RAB17: variants seen among roughly 807,000 people sequenced by gnomAD.
RAB17 encodes the protein ras-related protein Rab-17.
Under a neutral mutation model 19.3 loss-of-function variants are expected in RAB17, and 15 were observed. That is an observed-to-expected ratio of 0.78 (90% CI 0.52 to 1.20). The LOEUF (loss-of-function observed/expected upper bound fraction) is 1.20. RAB17 is among the 50% of genes most tolerant of loss of function. The pLI is 0.00. For missense variants in RAB17, 262 were observed against 269.3 expected (o/e 0.97, Z 0.19); for synonymous variants, 110 against 112.8 (o/e 0.97, Z 0.16).
intron 3 of RAB17, chr2:237,577,769 C>G (rs2081276888): frequency 3.8e-6 from 2 of 530,496 alleles, no homozygotes; most frequent in African/African-American, 1.9e-5. Flanking sequence ...AATGCAGCAC[C>G]AGGAACTACT....
intron 1 of RAB17, among the ~76,000 whole-genome samples, chr2:237,588,086 T>C (rs5020352): frequency 0.25 from 38,620 of 152,038 alleles, 6,302 homozygotes; most frequent in African/African-American, 0.47. Flanking sequence ...GGGCCAGCTA[T>C]GGTTTGCATG....
intron 4 of RAB17, 124 bp from the exon 5 acceptor site, chr2:237,575,604 C>T (rs553213262): frequency 8.5e-6 from 6 of 707,982 alleles, no homozygotes; most frequent in South Asian, 5.4e-5. Context: ...CTCCACGTTT[C>T]GTGTCCAAGT....
chr2:237,574,415 AT>A lies in RAB17; in HGVS notation c.*603del. 1 of 1,546,366 alleles carries A rather than the reference AT, an allele frequency of 6.5e-7. No individual in the cohort carries two copies. The highest frequency in any genetic ancestry group is 8.7e-7 in the Non-Finnish European group (1 of 1,144,276). ...GAAATGTCTCAGAATCTTCCTGCTC[AT>A]TGGACAGAAACTCAGCTTCACCACA... On this transcript the variant is annotated 3_prime_UTR_variant, in exon 6 of 6. Coordinates refer to ENST00000264601, the MANE Select transcript of RAB17 (RefSeq NM_022449.4).
intron 2 of RAB17, chr2:237,578,865 C>G (rs955274413): frequency 1.3e-5 from 2 of 151,610 alleles, no homozygotes; most frequent in Non-Finnish European, 2.9e-5. Context: ...CCCAGGAAGG[C>G]AGGGGCTTTG....
rs149378404 is a variant in RAB17, at chr2:237,589,871, C to T, written c.-4+596G>A. ...GCAAATCCCACATTAGTCTTTTTTG[C>T]GGGGAAGGGGCCATTCCAGGGAAGG... On this transcript the variant is annotated intron_variant, in intron 1 of 5. Transcript: ENST00000264601. 1.1e-4 allele frequency among the ~76,000 whole-genome samples: 16 copies of T among 152,094 alleles called. No individual in the cohort carries two copies. The East Asian group carries it at 2.7e-3, about 26-fold the overall frequency.
intron 1 of RAB17, among the ~76,000 whole-genome samples, chr2:237,587,843 AAAAG>A (rs770248246): frequency 0.078 from 10,900 of 140,554 alleles, 483 homozygotes; most frequent in Non-Finnish European, 0.1. Context: ...AAAAAAAAAA[AAAAG>A]AAAAGAAAAA....
chr2:237,587,117 G>A (rs1280287662), intron 1 of RAB17, among the ~76,000 whole-genome samples: 1 of 152,132 alleles, frequency 6.6e-6, no homozygotes, highest in Non-Finnish European at 1.5e-5. Flanking sequence ...GCTATTTTTT[G>A]GCAAGATTGC....
chr2:237,589,844 G>A (rs921531630), intron 1 of RAB17, among the ~76,000 whole-genome samples: 1 of 152,124 alleles, frequency 6.6e-6, no homozygotes, highest in Non-Finnish European at 1.5e-5. Flanking sequence ...AAAAAACGGA[G>A]AGCAAATCCC....
At chr2:237,583,686 C>T (rs983034146) in intron 2 of RAB17, among the ~76,000 whole-genome samples, 1 of 152,206 alleles carries the variant, frequency 6.6e-6, no homozygotes, top group Non-Finnish European at 1.5e-5. Context: ...CCCACCCCGG[C>T]CCCATCACAG....
chr2:237,585,174 G>A (rs1164757500), intron 2 of RAB17, among the ~76,000 whole-genome samples: 1 of 152,218 alleles, frequency 6.6e-6, no homozygotes, highest in African/African-American at 2.4e-5. Context: ...CCTGCAAAAG[G>A]GTTCATGCTC....
At chr2:237,589,541 C>G (rs982957563) in intron 1 of RAB17, among the ~76,000 whole-genome samples, 1 of 152,172 alleles carries the variant, frequency 6.6e-6, no homozygotes, top group African/African-American at 2.4e-5. Context: ...AATTTTTTCT[C>G]TGTAATAAGA....
In RAB17 at chr2:237,575,415, G is replaced by A. The variant is rs778694655; in HGVS notation, c.501C>T (p.His167=). ...CTGTATTGAACACCTCCGACACCTG[G>A]TGGTTCAGTTTGGCCGAAGTTTCCA... The part of the protein sequence containing the change: ...LFMETSAKLN[H]QVSEVFNTVA... Residue 167 remains histidine, a synonymous_variant, in exon 5 of 6, where the codon CAC becomes CAT. Transcript: ENST00000264601. 6.2e-7 allele frequency: 1 copy of A among 1,612,466 alleles called. No homozygotes were observed. The highest frequency in any genetic ancestry group is 1.1e-5 in the South Asian group (1 of 90,828).
chr2:237,574,995 C>A lies in RAB17; in HGVS notation c.*24G>T. ...TGGCCCAGGCAGGGGGTGTCTTCCC[C>A]ACAGCCCCCAGGAGTGGCTGCACCT... On this transcript the variant is annotated 3_prime_UTR_variant, in exon 6 of 6. Coordinates refer to ENST00000264601, the MANE Select transcript of RAB17 (RefSeq NM_022449.4). The A allele has an allele frequency of 1.3e-6, 2 of 1,538,890 alleles. No individual in the cohort carries two copies. The highest frequency in any genetic ancestry group is 1.8e-6 in the Non-Finnish European group (2 of 1,131,182).
chr2:237,586,822 G>A (rs73999147), intron 1 of RAB17, among the ~76,000 whole-genome samples: 276 of 152,210 alleles, frequency 1.8e-3, no homozygotes, highest in African/African-American at 6.0e-3. Context: ...CCCACCTCCC[G>A]CTTCCCCAGT....
intron 2 of RAB17, chr2:237,585,293 C>T (rs1412134605): frequency 1.2e-5 from 2 of 167,542 alleles, no homozygotes; most frequent in Admixed American, 1.3e-4. Context: ...CATGTGTTCC[C>T]CCAGGGGGAA....
intron 1 of RAB17, among the ~76,000 whole-genome samples, chr2:237,588,724 T>A (rs13390880): frequency 0.5 from 76,613 of 152,096 alleles, 22,530 homozygotes; most frequent in African/African-American, 0.82. Context: ...AAAAATAATT[T>A]AAAATAAACA....
chr2:237,582,833 T>A (rs2081318558), intron 2 of RAB17, among the ~76,000 whole-genome samples: 1 of 152,234 alleles, frequency 6.6e-6, no homozygotes, highest in Non-Finnish European at 1.5e-5. Context: ...ATGTAATTAT[T>A]ATAATGAGGA....
Position 237,586,062 on chromosome 2 carries a change from A to C in RAB17, c.93T>G (p.Gly31=). 1 of 1,613,640 alleles carries C rather than the reference A, an allele frequency of 6.2e-7. No homozygotes were observed. The highest frequency in any genetic ancestry group is 8.5e-7 in the Non-Finnish European group (1 of 1,179,798). ...KLVLLGSGSV[G]KSSLALRYVK... The stretch of plus-strand genomic sequence containing the variant: ...CGTACCGAAGAGCCAAGCTGGACTT[A>C]CCCACGGAGCCACTTCCCAGGAGAA... Residue 31 remains glycine, a synonymous_variant, in exon 2 of 6, where the codon GGT becomes GGG. Transcript: ENST00000264601.
At chr2:237,588,038 GC>G (rs1179879937) in intron 1 of RAB17, among the ~76,000 whole-genome samples, 1 of 152,122 alleles carries the variant, frequency 6.6e-6, no homozygotes, top group East Asian at 1.9e-4. Flanking sequence ...CAGCACCTGT[GC>G]TTTGAAATAT....
Sources: gnomAD v4.1 joint callset for allele counts (sites outside exome capture counted in the v4.1 genomes callset) on GRCh38, gnomAD v4.1.1 for gene constraint, MANE v1.5 for transcripts, NCBI Gene and HGNC (gene_info 2026-07-23, HGNC 2026-07-21) for gene names.